ARHGAP45: variants seen among roughly 807,000 people sequenced by gnomAD.
ARHGAP45 encodes Rho GTPase activating protein 45, also known as rho GTPase-activating protein 45.
ARHGAP45 carries 56 observed loss-of-function variants against 116.1 expected under a neutral mutation model. The ratio of observed to expected loss-of-function variants is 0.48; its 90% CI spans 0.39 to 0.60. The LOEUF (loss-of-function observed/expected upper bound fraction) is 0.60, where lower values mean the gene tolerates loss of function less well. Among genes scored for constraint, ARHGAP45 ranks in the 20% least tolerant of loss-of-function variants. ARHGAP45 has a pLI of 0.00. For synonymous variants in ARHGAP45, 866 were observed against 701.7 expected, an observed-to-expected ratio of 1.23 and a Z score of -3.70; for missense variants, 1,622 against 1,601.0, an observed-to-expected ratio of 1.01 and a Z score of -0.22.
rs759262742 is a variant in ARHGAP45 at position 1,083,292 on chromosome 19, C to T, written c.2894C>T (p.Thr965Ile). ...CCCCATCAGGCCCGCGTCATCGAGA[C>T]TCTCATCGTCCACTACGGCCTGGTC... ...DYPHQARVIE[T>I]LIVHYGLVFE... Residue 965 changes from threonine to isoleucine, a missense_variant, in exon 21 of 23, where the codon ACT (threonine) becomes ATT (isoleucine). Thr to Ile is a moderately conservative substitution (Grantham distance 89). Coordinates refer to ENST00000313093, the MANE Select transcript of ARHGAP45 (RefSeq NM_012292.5). 8 of 1,583,898 alleles carry T rather than the reference C, an allele frequency of 5.1e-6. No homozygotes were observed. In the East Asian group the frequency reaches 1.6e-4, roughly 32 times the overall value.
chr19:1,084,159 C>T (rs895115184), intron 21 of ARHGAP45, 79 bp from the exon 22 acceptor site: 5 of 1,323,074 alleles, frequency 3.8e-6, no homozygotes, highest in East Asian at 2.3e-5. Flanking sequence ...CTGTTACGGG[C>T]TGTGTGGGTG....
chr19:1,078,778 G>A lies in ARHGAP45; in HGVS notation c.1374+733G>A, dbSNP rs546328921. On this transcript the variant is annotated intron_variant, in intron 11 of 22. Transcript: ENST00000313093. ...GTCACCCAGGCTGGAGTGCAGTGAC[G>A]TGATCATGGCTCACTGCAGCCTCTA... Among the ~76,000 whole-genome samples, 102 of 151,938 alleles carry A rather than the reference G, an allele frequency of 6.7e-4. 1 individual carries two copies. The highest frequency in any genetic ancestry group is 2.4e-3 in the African/African-American group (100 of 41,470).
intron 10 of ARHGAP45, among the ~76,000 whole-genome samples, chr19:1,075,534 C>T (rs1384464961): frequency 1.3e-5 from 2 of 151,938 alleles, no homozygotes; most frequent in African/African-American, 2.4e-5. Flanking sequence ...CGTGAGCCAC[C>T]GCACCCACCC....
chr19:1,084,611 A>G (rs886421218), intron 22 of ARHGAP45, among the ~76,000 whole-genome samples: 3 of 152,178 alleles, frequency 2.0e-5, no homozygotes, highest in African/African-American at 7.2e-5. Context: ...ATGCCTTGTG[A>G]GGCTCCAGGT....
At chr19:1,083,997 C>T (rs1333869600) in intron 21 of ARHGAP45, among the ~76,000 whole-genome samples, 2 of 152,168 alleles carry the variant, frequency 1.3e-5, no homozygotes, top group Admixed American at 6.5e-5. Flanking sequence ...CCCCCCTTGG[C>T]CTCCTGAAGT....
chr19:1,084,522 G>T (rs751921422), intron 22 of ARHGAP45, among the ~76,000 whole-genome samples, 176 bp downstream of exon 22: 1 of 152,192 alleles, frequency 6.6e-6, no homozygotes, highest in Non-Finnish European at 1.5e-5. Context: ...TCCTTTAACC[G>T]GCTGCAAAAA....
chr19:1,074,409 T>TGGGGGCCCCGCGGGCACGGGGC lies in ARHGAP45; in HGVS notation c.993+8_993+29dup, dbSNP rs2145033336. 1.3e-6 allele frequency: 2 copies of TGGGGGCCCCGCGGGCACGGGGC among 1,547,156 alleles called. No homozygotes were observed. The highest frequency in any genetic ancestry group is 2.4e-5 in the South Asian group (2 of 83,212). The stretch of plus-strand genomic sequence containing the variant: ...TGCAGACAGAGCGTCATGCAGGAGG[T>TGGGGGCCCCGCGGGCACGGGGC]GGGGGCCCCGCGGGCACGGGGCGGG... On this transcript the variant is annotated splice_region_variant and intron_variant, in intron 8 of 22. Coordinates refer to ENST00000313093, the MANE Select transcript of ARHGAP45 (RefSeq NM_012292.5).
At position 1,077,866 on chromosome 19, in the gene ARHGAP45, G is replaced by T; in HGVS notation, c.1195G>T (p.Glu399Ter). The T allele has an allele frequency of 6.4e-7, 1 of 1,553,352 alleles. No individual in the cohort carries two copies. Among genetic ancestry groups the T allele is most frequent in the Admixed American group, 1.9e-5 (1 of 51,284 alleles). The change falls in exon 11 of 23, where the codon GAG (glutamate) becomes TAG (stop). Residue 399 changes from glutamate to a stop codon, truncating the protein, a stop_gained. Coordinates refer to ENST00000313093, the MANE Select transcript of ARHGAP45 (RefSeq NM_012292.5). LOFTEE classifies it high-confidence loss of function. ...GCTCCCACACCCACAGCAAGAGGCG[G>T]AGTCCAACCTGCGCAAGGCCAAGCA... ...HRAQRKLQEA[E>*]SNLRKAKQGY...
rs565111789 is a variant in ARHGAP45 at position 1,069,347 on chromosome 19, C to T, written c.421+603C>T. ...GGCCGCTGACAGCCCTGCTTCCTGC[C>T]GAGTTATTTTCATCTGCTTCCTGTT... On this transcript the variant is annotated intron_variant, in intron 2 of 22. Coordinates refer to ENST00000313093, the MANE Select transcript of ARHGAP45 (RefSeq NM_012292.5). The surrounding 1 kb of genome is among the most constrained non-coding windows in gnomAD (Gnocchi z 4.1). Among the ~76,000 whole-genome samples the T allele has an allele frequency of 4.3e-4, 66 of 152,312 alleles. No individual in the cohort carries two copies. The highest frequency in any genetic ancestry group is 1.5e-3 in the African/African-American group (62 of 41,566).
intron 19 of ARHGAP45, 30 bp from the exon 20 acceptor site, chr19:1,082,810 C>T: frequency 6.8e-7 from 1 of 1,460,910 alleles, no homozygotes; most frequent in South Asian, 1.4e-5. Flanking sequence ...CCAGGCCCAC[C>T]AACACCTGCT....
At position 1,086,000 on chromosome 19, in the gene ARHGAP45, C is replaced by T. The variant is rs141864446; in HGVS notation, c.3405C>T (p.Phe1135=). Residue 1135 remains phenylalanine (F), a synonymous_variant, in exon 23 of 23, where the codon TTC becomes TTT. Coordinates refer to ENST00000313093, the MANE Select transcript of ARHGAP45 (RefSeq NM_012292.5). ...LGSCRERQPE[F]V ...CCTGCAGGGAAAGGCAGCCGGAATT[C>T]GTGTGAGCTGGGGTGGGGCTGGGAC... is the stretch of plus-strand genomic sequence containing the variant. 5.8e-5 allele frequency: 94 copies of T among 1,611,282 alleles called. No individual in the cohort carries two copies. In the African/African-American group the frequency reaches 9.2e-4, roughly 16 times the overall value.
At chr19:1,082,260 A>T (rs1309677716) in intron 19 of ARHGAP45, among the ~76,000 whole-genome samples, 1 of 81,498 alleles carries the variant, frequency 1.2e-5, no homozygotes, top group Non-Finnish European at 2.2e-5. Flanking sequence ...GCAGAGGCAC[A>T]CCTGACGCTG....
chr19:1,075,032 CCCCAA>C (rs1429213848), intron 10 of ARHGAP45, among the ~76,000 whole-genome samples, 153 bp downstream of exon 10: 1 of 132,970 alleles, frequency 7.5e-6, no homozygotes, highest in African/African-American at 2.6e-5. Flanking sequence ...GGGCCGCCCC[CCCCAA>C]CGCCAAGCCG....
At chr19:1,066,595 G>C (rs954405065), upstream of ARHGAP45, 1 of 167,828 alleles carries the variant, frequency 6.0e-6, no homozygotes, top group African/African-American at 2.4e-5. Context: ...GGACCAGGTG[G>C]ACGTGGGGAC....
Position 1,081,072 on chromosome 19 carries a change from G to A in ARHGAP45, c.2190+8G>A, listed in dbSNP as rs2043420583. 2 of 1,596,176 alleles carry A rather than the reference G, an allele frequency of 1.3e-6. No homozygotes were observed. On this transcript the variant is annotated splice_region_variant and intron_variant, in intron 17 of 22. Transcript: ENST00000313093. ...GGTGCTGAGTGTGAAGAGGTGAGTG[G>A]GACGCCCCGACGGACAGCTGGGAGC...
rs781774877 is a variant in ARHGAP45, at chr19:1,068,755, C to T, written c.421+11C>T. On this transcript the variant is annotated intron_variant, in intron 2 of 22. Transcript: ENST00000313093. The surrounding 1 kb of genome is among the most constrained non-coding windows in gnomAD (Gnocchi z 7.5). ...GTGTGTTGCGTGACGGTGAGAGCCA[C>T]GGGGACACCGAGGCCTGGGTGGAAG... 29 of 1,607,222 alleles carry T rather than the reference C, an allele frequency of 1.8e-5. No homozygotes were observed. The highest frequency in any genetic ancestry group is 2.2e-5 in the East Asian group (1 of 44,724).
chr19:1,071,210 G>A lies in ARHGAP45; in HGVS notation c.422-1939G>A. The A allele has an allele frequency of 7.0e-7, 1 of 1,422,288 alleles. No individual in the cohort carries two copies. Among genetic ancestry groups the A allele is most frequent in the Non-Finnish European group, 9.2e-7 (1 of 1,090,450 alleles). The allele number at this position is 1,422,288 out of a possible 1,614,324, so 88.1% of individuals were successfully genotyped here. ...CGGGGCCTCCTGACCGGCCGGAGCC[G>A]GTTTGGCCACCGGAGACCCCCATCG... On this transcript the variant is annotated intron_variant, in intron 2 of 22. Transcript: ENST00000313093. This position sits in a 1 kb window ranked among gnomAD's most constrained non-coding sequence, Gnocchi z 4.6.
At chr19:1,083,388 G>A (rs1273253535) in intron 21 of ARHGAP45, 35 bp downstream of exon 21, 3 of 1,511,216 alleles carry the variant, frequency 2.0e-6, no homozygotes, top group East Asian at 2.4e-5. Flanking sequence ...CTGGCCACTC[G>A]GGGCTTGGGG....
chr19:1,067,235 C>T lies in ARHGAP45; in HGVS notation c.-171C>T, dbSNP rs1175646057. On this transcript the variant is annotated 5_prime_UTR_variant, in exon 1 of 23. Coordinates refer to ENST00000313093, the MANE Select transcript of ARHGAP45 (RefSeq NM_012292.5). ...AGGCCGCGTCGCCGCCTCCCCGAAG[C>T]CTTTTCCTGTTGGGGGGAGGGCCCG... The T allele has an allele frequency of 3.7e-6, 5 of 1,340,684 alleles. No homozygotes were observed. The highest frequency in any genetic ancestry group is 4.7e-6 in the Non-Finnish European group (5 of 1,052,958). The allele number at this position is 1,340,684 out of a possible 1,614,324, so 83.0% of individuals were successfully genotyped here.
Sources: allele counts gnomAD v4.1 joint callset (sites outside exome capture counted in the v4.1 genomes callset), GRCh38; gene constraint gnomAD v4.1.1; non-coding constraint Gnocchi (gnomAD v3.1); transcripts MANE v1.5; gene names NCBI Gene and HGNC (gene_info 2026-07-23, HGNC 2026-07-21).